SLC1A1: variants seen among roughly 807,000 people sequenced by gnomAD.
SLC1A1 encodes excitatory amino acid transporter 3.
In SLC1A1, 43 loss-of-function variants were observed where a neutral mutation model predicts 53.3. The observed-to-expected ratio is 0.81, with a 90% CI of 0.63 to 1.04. SLC1A1 has a LOEUF of 1.04. Among genes scored for constraint, SLC1A1 ranks in the 50% least tolerant of loss-of-function variants. SLC1A1 has a pLI of 0.00. For synonymous variants in SLC1A1, 307 were observed against 243.2 expected (o/e 1.26, Z -2.44); for missense variants, 748 against 664.9 (o/e 1.12, Z -1.37).
rs147485643 is a variant in SLC1A1, at chr9:4,550,577, G to A, written c.232+5870G>A. 4.2e-3 allele frequency among the ~76,000 whole-genome samples: 646 copies of A among 152,166 alleles called. 4 individuals carry two copies. Among genetic ancestry groups the A allele is most frequent in the African/African-American group, 0.015 (617 of 41,500 alleles). ...CCTGGCTAATTCTTACTTTTGTCGCGATAGGGTCTTGATATATTGCCAGGG... is the reference window on the plus strand; with the variant it reads ...CCTGGCTAATTCTTACTTTTGTCGCAATAGGGTCTTGATATATTGCCAGGG... On this transcript the variant is annotated intron_variant, in intron 2 of 11. Coordinates refer to ENST00000262352, the MANE Select transcript of SLC1A1 (RefSeq NM_004170.6).
rs545527422 is a variant in SLC1A1 at position 4,583,212 on chromosome 9, G to C, written c.1328+40G>C. 2 of 1,613,104 alleles carry C rather than the reference G, an allele frequency of 1.2e-6. No individual in the cohort carries two copies. Among genetic ancestry groups the C allele is most frequent in the Non-Finnish European group, 1.7e-6 (2 of 1,179,246 alleles). The stretch of plus-strand genomic sequence containing the variant: ...ATGCACTGCCTTAGCTGGATGTGCA[G>C]GCGGGCTTCCCAGCCTCGCAGGCGC... On this transcript the variant is annotated intron_variant, in intron 11 of 11. Transcript: ENST00000262352. This position sits in a 1 kb window ranked among gnomAD's most constrained non-coding sequence, Gnocchi z 4.6.
chr9:4,541,446 A>G (rs10974614), intron 1 of SLC1A1, among the ~76,000 whole-genome samples: 1 of 152,108 alleles, frequency 6.6e-6, no homozygotes, highest in Non-Finnish European at 1.5e-5. Context: ...TTTCCTTTCC[A>G]ATTTAAAAGC....
intron 1 of SLC1A1, among the ~76,000 whole-genome samples, chr9:4,527,074 G>A (rs1816288321): frequency 6.6e-6 from 1 of 152,164 alleles, no homozygotes; most frequent in African/African-American, 2.4e-5. Context: ...CTCTGAAGAG[G>A]GAAGCCACTG....
intron 1 of SLC1A1, among the ~76,000 whole-genome samples, chr9:4,527,418 T>A (rs1458587596): frequency 6.6e-6 from 1 of 152,234 alleles, no homozygotes; most frequent in African/African-American, 2.4e-5. Flanking sequence ...AGTAGCTCTA[T>A]CTACCCTGTT....
intron 4 of SLC1A1, 55 bp downstream of exon 4, chr9:4,564,513 CT>C (rs1256209282): frequency 4.1e-6 from 4 of 974,164 alleles, no homozygotes; most frequent in Non-Finnish European, 6.6e-6. Context: ...AGCACAAGGC[CT>C]TGTATGTGGT....
At chr9:4,491,307 A>G (rs1820229490) in intron 1 of SLC1A1, among the ~76,000 whole-genome samples, 1 of 152,140 alleles carries the variant, frequency 6.6e-6, no homozygotes, top group African/African-American at 2.4e-5. Flanking sequence ...AGTGCGTGGA[A>G]AGGTGCCTTC....
At chr9:4,571,445 G>A (rs1016492475) in intron 6 of SLC1A1, among the ~76,000 whole-genome samples, 3 of 152,114 alleles carry the variant, frequency 2.0e-5, no homozygotes, top group Admixed American at 1.3e-4. Flanking sequence ...AGAGGCTGAG[G>A]TGGGCGGATC....
chr9:4,494,061 G>A (rs7029194), intron 1 of SLC1A1, among the ~76,000 whole-genome samples: 151,220 of 152,338 alleles, frequency 0.99, 75,064 homozygotes, highest in Middle Eastern at 1. Context: ...CCTGAAAATA[G>A]TATCTTGGAT....
chr9:4,523,471 T>C (rs531871029), intron 1 of SLC1A1, among the ~76,000 whole-genome samples: 1 of 152,188 alleles, frequency 6.6e-6, no homozygotes, highest in African/African-American at 2.4e-5. Flanking sequence ...TAATTTTAAC[T>C]CTGAAGTTTT....
At chr9:4,581,632 T>A (rs1376379737) in intron 10 of SLC1A1, among the ~76,000 whole-genome samples, 2 of 152,176 alleles carry the variant, frequency 1.3e-5, no homozygotes, top group African/African-American at 4.8e-5. Flanking sequence ...TCCATTTAAA[T>A]TTTTTTCAAC....
intron 3 of SLC1A1, among the ~76,000 whole-genome samples, chr9:4,563,578 C>T (rs1395513168): frequency 6.6e-6 from 1 of 152,120 alleles, no homozygotes; most frequent in East Asian, 1.9e-4. Flanking sequence ...GAGGGAGGAG[C>T]AATAAAGAGC....
rs920536479 is a variant in SLC1A1, at chr9:4,571,954, A to G, written c.583-250A>G. 3.9e-5 allele frequency among the ~76,000 whole-genome samples: 6 copies of G among 152,236 alleles called. No individual in the cohort carries two copies. In the East Asian group the frequency reaches 1.2e-3, roughly 29 times the overall value. ...AACCATTCCAGAATAAGAAATCTTT[A>G]TAAGAAATATTCAAATATGGACTTG... On this transcript the variant is annotated intron_variant, in intron 6 of 11. Transcript: ENST00000262352.
rs180881078 is a variant in SLC1A1, at chr9:4,585,964, G to T, written c.*406G>T. The T allele has an allele frequency of 2.1e-4, 41 of 196,088 alleles. No individual in the cohort carries two copies. In the East Asian group the frequency reaches 4.9e-3, roughly 23 times the overall value. The allele number at this position is 196,088 out of a possible 1,614,324, so 12.1% of individuals were successfully genotyped here. On this transcript the variant is annotated 3_prime_UTR_variant, in exon 12 of 12. Transcript: ENST00000262352. Reference sequence around the variant, plus strand: ...AAATTTTTACTCAGGCTTTCTATTGGCATGGATTTCCTTTGACCTCTCACT... The same window carrying T: ...AAATTTTTACTCAGGCTTTCTATTGTCATGGATTTCCTTTGACCTCTCACT...
chr9:4,536,985 T>C (rs963263051), intron 1 of SLC1A1, among the ~76,000 whole-genome samples: 90 of 151,994 alleles, frequency 5.9e-4, no homozygotes, highest in African/African-American at 2.1e-3. Context: ...CAGGTGGGAA[T>C]TGAACAATGA....
chr9:4,507,328 C>T (rs766230307), intron 1 of SLC1A1, among the ~76,000 whole-genome samples: 1 of 151,982 alleles, frequency 6.6e-6, no homozygotes, highest in Non-Finnish European at 1.5e-5. Flanking sequence ...TTTTTTTGGT[C>T]TCTGGTGGTC....
chr9:4,506,154 G>A (rs548544863), intron 1 of SLC1A1, among the ~76,000 whole-genome samples: 28 of 151,202 alleles, frequency 1.9e-4, no homozygotes, highest in Non-Finnish European at 3.8e-4. Flanking sequence ...ACGGGGTTTC[G>A]CCATGTTAGC....
rs114526231 is a variant in SLC1A1, at chr9:4,566,951, G to A, written c.484-718G>A. ...AAAAATGGCAACTCTGTTGCTCTCTGCCGGCCTCCACGAGGGACAGAACCT... is the reference window on the plus strand; with the variant it reads ...AAAAATGGCAACTCTGTTGCTCTCTACCGGCCTCCACGAGGGACAGAACCT... On this transcript the variant is annotated intron_variant, in intron 5 of 11. Transcript: ENST00000262352. Among the ~76,000 whole-genome samples the A allele has an allele frequency of 4.0e-3, 603 of 152,268 alleles. 9 individuals are homozygous for A. The highest frequency in any genetic ancestry group is 0.014 in the African/African-American group (577 of 41,572).
At chr9:4,512,737 C>A (rs1409633221) in intron 1 of SLC1A1, among the ~76,000 whole-genome samples, 1 of 152,040 alleles carries the variant, frequency 6.6e-6, no homozygotes. Flanking sequence ...CAGAAATAGA[C>A]CCATAGAAAT....
At chr9:4,522,867 T>C (rs1052011523) in intron 1 of SLC1A1, among the ~76,000 whole-genome samples, 13 of 152,124 alleles carry the variant, frequency 8.5e-5, no homozygotes, top group Non-Finnish European at 8.8e-5. Flanking sequence ...CACATGGAGA[T>C]TATGGGGATT....
Sources: gnomAD v4.1 joint callset for allele counts (sites outside exome capture counted in the v4.1 genomes callset) on GRCh38, gnomAD v4.1.1 for gene constraint, Gnocchi (gnomAD v3.1) non-coding constraint, MANE v1.5 for transcripts, NCBI Gene and HGNC (gene_info 2026-07-23, HGNC 2026-07-21) for gene names.